BICD2: variants seen among roughly 807,000 people sequenced by gnomAD.
The protein encoded by BICD2 is BICD cargo adaptor 2.
Under a neutral mutation model 72.9 loss-of-function variants are expected in BICD2, and 25 were observed. That is an observed-to-expected ratio of 0.34 (90% CI 0.25 to 0.48). BICD2 has a LOEUF of 0.48. Ranked by LOEUF, BICD2 falls within the 20% of genes least tolerant of loss-of-function variation. BICD2 has a pLI of 0.99. For missense variants in BICD2, 894 were observed against 1,175.2 expected (o/e 0.76, Z 3.50); for synonymous variants, 501 against 516.1 (o/e 0.97, Z 0.40).
At chr9:92,743,390 C>T in intron 1 of BICD2, among the ~76,000 whole-genome samples, 1 of 137,232 alleles carries the variant, frequency 7.3e-6, no homozygotes. Flanking sequence ...GAGATGGGGT[C>T]TCACTATGTT....
chr9:92,731,688 G>A (rs987730200), intron 1 of BICD2, among the ~76,000 whole-genome samples: 25 of 152,234 alleles, frequency 1.6e-4, no homozygotes, highest in African/African-American at 5.1e-4. Context: ...GGAAGATGGC[G>A]GAAGATGGCA....
intron 1 of BICD2, among the ~76,000 whole-genome samples, chr9:92,738,073 G>A (rs561792469): frequency 2.0e-5 from 3 of 152,330 alleles, no homozygotes; most frequent in East Asian, 1.9e-4. Flanking sequence ...GAGAGCCAAC[G>A]GGTATGTGCA....
At chr9:92,755,799 G>A (rs1183052512) in intron 1 of BICD2, among the ~76,000 whole-genome samples, 1 of 152,180 alleles carries the variant, frequency 6.6e-6, no homozygotes, top group African/African-American at 2.4e-5. Context: ...AAAGCAGATG[G>A]GGAGCCCAGG....
chr9:92,764,481 G>A lies in BICD2; in HGVS notation c.240+24C>T, dbSNP rs1456001301. On this transcript the variant is annotated intron_variant, in intron 1 of 6. Coordinates refer to ENST00000356884, the MANE Select transcript of BICD2 (RefSeq NM_001003800.2). The surrounding 1 kb of genome is among the most constrained non-coding windows in gnomAD (Gnocchi z 5.5). The stretch of plus-strand genomic sequence containing the variant: ...CAGGCCCCGGCGCCGGGCGGGGGTC[G>A]CAGGGCAGGGCGGCTCGGCTCACCT... The A allele has an allele frequency of 4.1e-6, 6 of 1,468,922 alleles. No individual in the cohort carries two copies. The highest frequency in any genetic ancestry group is 4.5e-6 in the Non-Finnish European group (5 of 1,102,650). The allele number at this position is 1,468,922 out of a possible 1,614,324, so 91.0% of individuals were successfully genotyped here.
At position 92,718,914 on chromosome 9, in the gene BICD2, C is replaced by A. The variant is rs772847008; in HGVS notation, c.1731G>T (p.Ala577=). 1 of 1,604,330 alleles carries A rather than the reference C, an allele frequency of 6.2e-7. No individual in the cohort carries two copies. Among genetic ancestry groups the A allele is most frequent in the East Asian group, 2.2e-5 (1 of 44,722 alleles). Residue 577 remains alanine, a synonymous_variant, in exon 5 of 7, where the codon GCG becomes GCT. Transcript: ENST00000356884. ...TSPGGRTSPE[A]RGRRSPILLP... ...GGAGGATGGGTGAGCGCCGGCCACG[C>A]GCCTCGGGGCTGGTGCGGCCCCCGG... is the stretch of plus-strand genomic sequence containing the variant.
At chr9:92,718,368 T>G (rs1334733172) in intron 5 of BICD2, among the ~76,000 whole-genome samples, 171 bp downstream of exon 5, 1 of 152,132 alleles carries the variant, frequency 6.6e-6, no homozygotes, top group Non-Finnish European at 1.5e-5. Context: ...CCCTCCCAGC[T>G]GGGGGCCCTG....
chr9:92,758,937 C>T (rs1476011288), intron 1 of BICD2, among the ~76,000 whole-genome samples: 2 of 151,666 alleles, frequency 1.3e-5, no homozygotes, highest in Non-Finnish European at 2.9e-5. Context: ...GCGGGAGGAT[C>T]GCTCAAGCCC....
intron 2 of BICD2, among the ~76,000 whole-genome samples, chr9:92,724,052 C>T (rs1199313564): frequency 6.6e-6 from 1 of 152,196 alleles, no homozygotes; most frequent in Non-Finnish European, 1.5e-5. Flanking sequence ...GACAAACTCT[C>T]TATCCCCTCC....
chr9:92,737,318 T>C (rs528557207), intron 1 of BICD2, among the ~76,000 whole-genome samples: 19 of 152,260 alleles, frequency 1.2e-4, no homozygotes, highest in Middle Eastern at 3.4e-3. Flanking sequence ...ATAGGAGCTT[T>C]AAAATACAGG....
intron 1 of BICD2, among the ~76,000 whole-genome samples, chr9:92,739,425 C>A (rs962925801): frequency 5.3e-5 from 8 of 152,236 alleles, no homozygotes; most frequent in African/African-American, 1.9e-4. Flanking sequence ...ATAAAACTCA[C>A]TTGATTACGG....
At chr9:92,749,264 G>A (rs1854095444) in intron 1 of BICD2, among the ~76,000 whole-genome samples, 1 of 152,200 alleles carries the variant, frequency 6.6e-6, no homozygotes, top group African/African-American at 2.4e-5. Context: ...CAAGCTGTAC[G>A]CTGCAGGACC....
At chr9:92,754,227 G>C (rs1401786794) in intron 1 of BICD2, among the ~76,000 whole-genome samples, 1 of 152,122 alleles carries the variant, frequency 6.6e-6, no homozygotes. Context: ...CAGTGGGTGT[G>C]ATGTCACGGC....
intron 6 of BICD2, among the ~76,000 whole-genome samples, chr9:92,717,134 G>A (rs10992432): frequency 0.28 from 42,105 of 152,060 alleles, 6,913 homozygotes; most frequent in East Asian, 0.76. Flanking sequence ...GTTCTTGGGG[G>A]CAAATACCTC....
intron 1 of BICD2, among the ~76,000 whole-genome samples, chr9:92,748,888 T>C (rs902062261): frequency 5.6e-4 from 85 of 152,152 alleles, no homozygotes; most frequent in African/African-American, 1.9e-3. Context: ...ATCAACAAGG[T>C]GAGATGATTC....
intron 5 of BICD2, 59 bp from the exon 6 acceptor site, chr9:92,718,007 T>C: frequency 1.3e-6 from 2 of 1,561,214 alleles, no homozygotes; most frequent in Non-Finnish European, 1.7e-6. Flanking sequence ...CTAGAGGTGC[T>C]CTGGGAGCAG....
chr9:92,718,412 G>C (rs1853368972), intron 5 of BICD2, 127 bp downstream of exon 5: 2 of 1,154,900 alleles, frequency 1.7e-6, no homozygotes, highest in Non-Finnish European at 2.4e-6. Context: ...GCTACTATGG[G>C]GCTGGCTCTG....
chr9:92,726,572 G>A (rs1209197937), intron 2 of BICD2, among the ~76,000 whole-genome samples: 2 of 152,124 alleles, frequency 1.3e-5, no homozygotes, highest in Non-Finnish European at 2.9e-5. Flanking sequence ...GACTGGGACT[G>A]GTGGTGGTGA....
Position 92,713,140 on chromosome 9 carries a change from A to G in BICD2, c.*2014T>C. ...CAGGTTGATCGGATAAAAAAAGAAC[A>G]TGTGTAACAAGGAGCCCCCGTGGTG... On this transcript the variant is annotated 3_prime_UTR_variant, in exon 7 of 7. Coordinates refer to ENST00000356884, the MANE Select transcript of BICD2 (RefSeq NM_001003800.2). 2.5e-6 allele frequency: 1 copy of G among 393,602 alleles called. No individual in the cohort carries two copies. Among genetic ancestry groups the G allele is most frequent in the Non-Finnish European group, 4.6e-6 (1 of 216,980 alleles). 24.4% of individuals were successfully genotyped at this position (393,602 alleles called of 1,614,324 possible).
In BICD2 at chr9:92,719,216, C is replaced by G. The variant is rs372840233; in HGVS notation, c.1429G>C (p.Glu477Gln). Residue 477 changes from glutamate to glutamine, a missense_variant, in exon 5 of 7, where the codon GAG (glutamate) becomes CAG (glutamine). Physicochemically the swap from Glu to Gln is conservative, Grantham distance 29. Around this residue, in one of 5 missense-constraint regions of BICD2, gnomAD observed 371 missense variants for 439.1 expected, o/e 0.84. Transcript: ENST00000356884. ...HAEEKGRYEAEGQALTEKVSL... is the reference protein window; with the variant it reads ...HAEEKGRYEAQGQALTEKVSL... ...ACCTTCTCCGTGAGTGCCTGGCCCT[C>G]AGCCTCATAGCGGCCCTTCTCCTCG... 6.2e-7 allele frequency: 1 copy of G among 1,611,448 alleles called. No homozygotes were observed. The highest frequency in any genetic ancestry group is 8.5e-7 in the Non-Finnish European group (1 of 1,179,992).
Sources: allele counts gnomAD v4.1 joint callset (sites outside exome capture counted in the v4.1 genomes callset), GRCh38; gene constraint gnomAD v4.1.1; regional missense constraint gnomAD v4.1.1; non-coding constraint Gnocchi (gnomAD v3.1); transcripts MANE v1.5; gene names NCBI Gene and HGNC (gene_info 2026-07-23, HGNC 2026-07-21).